GPATCH2L: variants seen among roughly 807,000 people sequenced by gnomAD.
GPATCH2L encodes G patch domain-containing protein 2-like.
GPATCH2L carries 31 observed loss-of-function variants against 57.4 expected under a neutral mutation model. The observed-to-expected ratio is 0.54, with a 90% confidence interval of 0.41 to 0.73. The LOEUF (loss-of-function observed/expected upper bound fraction) is 0.73, where lower values mean the gene tolerates loss of function less well. Ranked by LOEUF, GPATCH2L falls within the 30% of genes least tolerant of loss-of-function variation. The probability of loss-of-function intolerance (pLI) is 0.00; values close to 1 mark genes in which losing one functional copy is unlikely to be tolerated. For synonymous variants in GPATCH2L, 199 were observed against 210.7 expected (o/e 0.94, Z 0.48); for missense variants, 481 against 599.9 (o/e 0.80, Z 2.07).
intron 8 of GPATCH2L, among the ~76,000 whole-genome samples, chr14:76,183,195 T>G (rs1252476913): frequency 6.6e-6 from 1 of 152,252 alleles, no homozygotes; most frequent in Non-Finnish European, 1.5e-5. Flanking sequence ...CATACCACTG[T>G]CTTCACTCTT....
intron 5 of GPATCH2L, chr14:76,173,993 C>A: frequency 2.2e-5 from 6 of 268,948 alleles, no homozygotes; most frequent in East Asian, 6.5e-5. Context: ...ATGAATGCAT[C>A]TTTGTTCTTT....
At chr14:76,193,436 A>G (rs2139790524) in intron 8 of GPATCH2L, among the ~76,000 whole-genome samples, 1 of 152,282 alleles carries the variant, frequency 6.6e-6, no homozygotes, top group East Asian at 1.9e-4. Flanking sequence ...ATCTTAATAT[A>G]CTTCTTGAGT....
chr14:76,154,692 C>A lies in GPATCH2L; in HGVS notation c.329C>A (p.Ser110Tyr). The A allele has an allele frequency of 2.5e-6, 4 of 1,614,210 alleles. No individual in the cohort carries two copies. The highest frequency in any genetic ancestry group is 3.4e-6 in the Non-Finnish European group (4 of 1,180,018). The change falls in exon 2 of 10, where the codon TCT becomes TAT. Residue 110 changes from serine to tyrosine, a missense_variant. Around this residue, in one of 3 missense-constraint regions of GPATCH2L, gnomAD observed 208 missense variants for 272.4 expected, o/e 0.76. Coordinates refer to ENST00000261530, the MANE Select transcript of GPATCH2L (RefSeq NM_017926.4). The surrounding 1 kb of genome is among the most constrained non-coding windows in gnomAD (Gnocchi z 4.4). ...GCCATTGTCAAGAGTAAGCAACATT[C>A]TTGGCATGAATCTGACTCCTTTACT... The part of the protein sequence containing the change: ...LNAIVKSKQH[S>Y]WHESDSFTEN...
intron 7 of GPATCH2L, chr14:76,178,783 C>A (rs1357402275): frequency 6.6e-6 from 1 of 152,410 alleles, no homozygotes; most frequent in Non-Finnish European, 1.5e-5. Context: ...TGACAGCTCA[C>A]CTCCTGCTGT....
chr14:76,196,437 G>GTTT (rs78248589), intron 9 of GPATCH2L: 5,782 of 129,282 alleles, frequency 0.045, 156 homozygotes, highest in African/African-American at 0.092. Flanking sequence ...AAACTTTTCA[G>GTTT]TTTTTTTTTT....
In GPATCH2L at chr14:76,210,778, C is replaced by T. The variant is rs1484868324; in HGVS notation, c.*8927C>T. On this transcript the variant is annotated 3_prime_UTR_variant, in exon 10 of 10. Coordinates refer to ENST00000261530, the MANE Select transcript of GPATCH2L (RefSeq NM_017926.4). ...AGACTGTTTTCAACACCTTGGTAAA[C>T]ATTTCTTTTGACTGTTAGCAAAAGC... The T allele has an allele frequency of 6.6e-6, 1 of 152,166 alleles. No individual in the cohort carries two copies. The highest frequency in any genetic ancestry group is 1.9e-4 in the East Asian group (1 of 5,194). The allele number at this position is 152,166 out of a possible 1,614,324, so 9.4% of individuals were successfully genotyped here. A position where few individuals can be genotyped will look rare whatever the true frequency, so the allele number is the denominator to read the frequency against.
At chr14:76,174,816 G>A (rs1301253739) in intron 5 of GPATCH2L, 3 of 151,930 alleles carry the variant, frequency 2.0e-5, no homozygotes, top group Admixed American at 6.6e-5. Context: ...TGTATTTTTA[G>A]TACAGATGGG....
At chr14:76,199,890 C>G (rs533250994) in intron 9 of GPATCH2L, among the ~76,000 whole-genome samples, 155 of 152,290 alleles carry the variant, frequency 1.0e-3, no homozygotes, top group Non-Finnish European at 1.8e-3. Context: ...CAGCATTATT[C>G]ACAGTCGTCA....
intron 3 of GPATCH2L, among the ~76,000 whole-genome samples, chr14:76,169,943 C>T (rs12436562): frequency 0.21 from 31,229 of 152,032 alleles, 3,550 homozygotes; most frequent in African/African-American, 0.3. Flanking sequence ...GTTAGAAATA[C>T]ACATTTTTGG....
chr14:76,172,094 A>G, intron 4 of GPATCH2L, 75 bp downstream of exon 4: 1 of 898,440 alleles, frequency 1.1e-6, no homozygotes, highest in Non-Finnish European at 1.7e-6. Context: ...CCTAGCAAGC[A>G]TACTCATGCC....
chr14:76,212,185 T>C lies in GPATCH2L; in HGVS notation c.*10334T>C, dbSNP rs1595008960. The C allele has an allele frequency of 1.3e-5, 2 of 151,918 alleles. No individual in the cohort carries two copies. The highest frequency in any genetic ancestry group is 4.2e-4 in the South Asian group (2 of 4,810). 9.4% of individuals were successfully genotyped at this position (151,918 alleles called of 1,614,324 possible). On this transcript the variant is annotated 3_prime_UTR_variant, in exon 10 of 10. Transcript: ENST00000261530. ...TGCACAACCAAACAAATCACAAAAA[T>C]GAAAGATGTCTAAAACCATAGAATA...
intron 2 of GPATCH2L, among the ~76,000 whole-genome samples, chr14:76,165,855 GC>G (rs747639449): frequency 2.6e-5 from 4 of 152,106 alleles, no homozygotes; most frequent in Admixed American, 2.0e-4. Context: ...TTGGTTTCTT[GC>G]ATCTTCTAGA....
chr14:76,172,428 G>A (rs1017212178), intron 4 of GPATCH2L, among the ~76,000 whole-genome samples: 6 of 152,094 alleles, frequency 3.9e-5, no homozygotes, highest in Non-Finnish European at 5.9e-5. Flanking sequence ...TTTTTAAAAC[G>A]GATGCTTTTA....
chr14:76,215,081 A>T (rs887474861), downstream of GPATCH2L, among the ~76,000 whole-genome samples: 15 of 152,092 alleles, frequency 9.9e-5, no homozygotes, highest in Non-Finnish European at 1.6e-4. Flanking sequence ...ATTTCTAAAC[A>T]CCCAGAATAA....
chr14:76,160,632 A>C (rs776156446), intron 2 of GPATCH2L, among the ~76,000 whole-genome samples: 2 of 152,238 alleles, frequency 1.3e-5, no homozygotes, highest in Non-Finnish European at 2.9e-5. Context: ...GATTTTAAAA[A>C]AATATTTTAT....
intron 1 of GPATCH2L, chr14:76,152,799 T>C: frequency 2.2e-6 from 1 of 454,576 alleles, no homozygotes; most frequent in Non-Finnish European, 4.4e-6. Context: ...TTTTTGTTTT[T>C]TGTATTTTTG....
At chr14:76,214,961 G>C (rs535387722), downstream of GPATCH2L, among the ~76,000 whole-genome samples, 1 of 151,886 alleles carries the variant, frequency 6.6e-6, no homozygotes, top group Non-Finnish European at 1.5e-5. Flanking sequence ...GAGGTTTGGG[G>C]TATGAATGAC....
chr14:76,154,963 A>G lies in GPATCH2L; in HGVS notation c.600A>G (p.Lys200=), dbSNP rs1244095829. Reference sequence around the variant, plus strand: ...CTTTCCTAAGCAAAACAGGAAGGAAAGAAAGGATGGAGTGTGAAACAGATG... The same window carrying G: ...CTTTCCTAAGCAAAACAGGAAGGAAGGAAAGGATGGAGTGTGAAACAGATG... ...NRTFLSKTGR[K]ERMECETDEQ... The change falls in exon 2 of 10, where the codon AAA becomes AAG. Residue 200 remains lysine, a synonymous_variant. Coordinates refer to ENST00000261530, the MANE Select transcript of GPATCH2L (RefSeq NM_017926.4). This position sits in a 1 kb window ranked among gnomAD's most constrained non-coding sequence, Gnocchi z 4.4. 6.2e-7 allele frequency: 1 copy of G among 1,613,978 alleles called. No homozygotes were observed. The highest frequency in any genetic ancestry group is 8.5e-7 in the Non-Finnish European group (1 of 1,180,030).
downstream of GPATCH2L, among the ~76,000 whole-genome samples, chr14:76,215,932 TTAAAAA>T (rs1449265728): frequency 6.6e-6 from 1 of 151,264 alleles, no homozygotes; most frequent in Admixed American, 6.6e-5. Context: ...AAAATAAAAA[TTAAAAA>T]AAATGACATG....
Sources: allele counts gnomAD v4.1 joint callset (sites outside exome capture counted in the v4.1 genomes callset), GRCh38; gene constraint gnomAD v4.1.1; regional missense constraint gnomAD v4.1.1; non-coding constraint Gnocchi (gnomAD v3.1); transcripts MANE v1.5; gene names NCBI Gene and HGNC (gene_info 2026-07-23, HGNC 2026-07-21).